The following CNTNAP5 variants were observed in gnomAD, a reference collection of about 807,000 sequenced individuals.
CNTNAP5 encodes the protein contactin-associated protein-like 5.
CNTNAP5 carries 72 observed loss-of-function variants against 150.2 expected under a neutral mutation model. The observed-to-expected ratio is 0.48, with a 90% confidence interval of 0.40 to 0.58. The LOEUF (loss-of-function observed/expected upper bound fraction) is 0.58, where lower values mean the gene tolerates loss of function less well. CNTNAP5 is among the 20% of genes least tolerant of loss of function. The probability of loss-of-function intolerance (pLI) is 0.00; values close to 1 mark genes in which losing one functional copy is unlikely to be tolerated. For missense variants in CNTNAP5, 1,636 were observed against 1,626.2 expected, an observed-to-expected ratio of 1.01 and a Z score of -0.10; for synonymous variants, 672 against 619.8, an observed-to-expected ratio of 1.08 and a Z score of -1.25.
chr2:124,269,786 T>C (rs1384057700), intron 3 of CNTNAP5, among the ~76,000 whole-genome samples: 1 of 152,128 alleles, frequency 6.6e-6, no homozygotes, highest in Non-Finnish European at 1.5e-5. Flanking sequence ...AAAAAATGTA[T>C]GTTTTAAAAA....
chr2:124,406,997 C>G (rs951338728), intron 3 of CNTNAP5, among the ~76,000 whole-genome samples: 1 of 152,154 alleles, frequency 6.6e-6, no homozygotes, highest in African/African-American at 2.4e-5. Flanking sequence ...ATAATAACCT[C>G]CAGTTCCGTC....
At chr2:124,357,207 C>T (rs914631192) in intron 3 of CNTNAP5, among the ~76,000 whole-genome samples, 3 of 152,038 alleles carry the variant, frequency 2.0e-5, no homozygotes, top group Admixed American at 1.3e-4. Flanking sequence ...TGGATATTAA[C>T]CCTTTGCCAG....
At chr2:124,185,050 A>C (rs1023680088) in intron 1 of CNTNAP5, among the ~76,000 whole-genome samples, 1 of 152,220 alleles carries the variant, frequency 6.6e-6, no homozygotes, top group Non-Finnish European at 1.5e-5. Flanking sequence ...TATCTACATC[A>C]CAATGGCTTT....
intron 3 of CNTNAP5, among the ~76,000 whole-genome samples, chr2:124,296,907 A>G (rs78364847): frequency 0.015 from 2,259 of 152,276 alleles, 60 homozygotes; most frequent in African/African-American, 0.052. Flanking sequence ...CCCAGCCTGC[A>G]GCCGTTCTGC....
At chr2:124,395,888 T>G (rs750373890) in intron 3 of CNTNAP5, among the ~76,000 whole-genome samples, 2 of 152,140 alleles carry the variant, frequency 1.3e-5, no homozygotes, top group Non-Finnish European at 2.9e-5. Context: ...AAGCTAAGTG[T>G]GTGCCTGAAT....
chr2:124,446,458 T>C (rs1282118057), intron 5 of CNTNAP5, among the ~76,000 whole-genome samples: 3 of 152,128 alleles, frequency 2.0e-5, no homozygotes, highest in Admixed American at 6.5e-5. Context: ...AAAATCCCCA[T>C]TTTCAATCAT....
chr2:124,722,979 G>C (rs1006521418), intron 13 of CNTNAP5, among the ~76,000 whole-genome samples: 6 of 152,162 alleles, frequency 3.9e-5, no homozygotes, highest in South Asian at 4.1e-4. Context: ...CTTCCTGGGA[G>C]GTGGCTGATT....
At chr2:124,606,701 A>G (rs1237559703) in intron 11 of CNTNAP5, among the ~76,000 whole-genome samples, 1 of 152,188 alleles carries the variant, frequency 6.6e-6, no homozygotes, top group Non-Finnish European at 1.5e-5. Context: ...TCACATCTTA[A>G]GTGGATGGCG....
At chr2:124,832,110 T>A (rs992385345) in intron 19 of CNTNAP5, among the ~76,000 whole-genome samples, 7 of 152,094 alleles carry the variant, frequency 4.6e-5, no homozygotes, top group African/African-American at 1.7e-4. Context: ...CCTGCCACCT[T>A]AAAATATCTA....
chr2:124,281,985 C>A (rs989098881), intron 3 of CNTNAP5, among the ~76,000 whole-genome samples: 9 of 152,144 alleles, frequency 5.9e-5, no homozygotes, highest in African/African-American at 2.2e-4. Context: ...AGAAACCACC[C>A]TCCCTGTCCT....
intron 19 of CNTNAP5, among the ~76,000 whole-genome samples, chr2:124,812,467 G>A (rs545556883): frequency 1.3e-5 from 2 of 151,992 alleles, no homozygotes; most frequent in African/African-American, 4.8e-5. Context: ...TGGACATACT[G>A]CATTATACCC....
intron 21 of CNTNAP5, among the ~76,000 whole-genome samples, chr2:124,886,122 A>G (rs189434864): frequency 6.6e-6 from 1 of 152,178 alleles, no homozygotes; most frequent in East Asian, 1.9e-4. Flanking sequence ...GAGATACTTA[A>G]AGATGATTCT....
intron 19 of CNTNAP5, among the ~76,000 whole-genome samples, chr2:124,821,558 T>G (rs927246671): frequency 2.0e-5 from 3 of 152,198 alleles, no homozygotes; most frequent in Non-Finnish European, 4.4e-5. Context: ...CGCTTTAAGG[T>G]CCATCTCCAG....
intron 3 of CNTNAP5, among the ~76,000 whole-genome samples, chr2:124,296,139 T>C (rs749556577): frequency 5.9e-5 from 9 of 152,206 alleles, no homozygotes; most frequent in Non-Finnish European, 1.2e-4. Flanking sequence ...TTCACTTGAT[T>C]ATAGTGATAG....
rs188150842 is a variant in CNTNAP5 at position 124,678,323 on chromosome 2, A to G, written c.2077+30365A>G. ...GCATGTAGCTGGCTACATTCTGACAATTTAACCACAGAATGAGCAATTACT... is the reference window on the plus strand; with the variant it reads ...GCATGTAGCTGGCTACATTCTGACAGTTTAACCACAGAATGAGCAATTACT... On this transcript the variant is annotated intron_variant, in intron 13 of 23. Coordinates refer to ENST00000682447, the MANE Select transcript of CNTNAP5 (RefSeq NM_001367498.1). 1.1e-4 allele frequency among the ~76,000 whole-genome samples: 16 copies of G among 151,808 alleles called. No homozygotes were observed. The East Asian group carries it at 2.5e-3, about 24-fold the overall frequency.
chr2:124,553,503 CAAA>C (rs34211914), intron 10 of CNTNAP5, among the ~76,000 whole-genome samples: 11,147 of 119,466 alleles, frequency 0.093, 464 homozygotes, highest in African/African-American at 0.13. Context: ...GACTCTGTCT[CAAA>C]AAAAAAAAAA....
chr2:124,716,551 T>A (rs1304820157), intron 13 of CNTNAP5, among the ~76,000 whole-genome samples: 1 of 151,946 alleles, frequency 6.6e-6, no homozygotes, highest in Non-Finnish European at 1.5e-5. Context: ...CAATGTTTAT[T>A]GTTTTTAAAC....
chr2:124,552,364 C>T (rs564865209), intron 10 of CNTNAP5, among the ~76,000 whole-genome samples: 1 of 152,150 alleles, frequency 6.6e-6, no homozygotes, highest in Admixed American at 6.5e-5. Context: ...GGCAGTGACA[C>T]CAGGACAGGC....
At chr2:124,092,973 G>A (rs1427792828) in intron 1 of CNTNAP5, among the ~76,000 whole-genome samples, 1 of 152,204 alleles carries the variant, frequency 6.6e-6, no homozygotes, top group Non-Finnish European at 1.5e-5. Context: ...ACAAAGAGAA[G>A]TTCATGGTCA....
Sources: gnomAD v4.1 joint callset for allele counts (sites outside exome capture counted in the v4.1 genomes callset) on GRCh38, gnomAD v4.1.1 for gene constraint, MANE v1.5 for transcripts, NCBI Gene and HGNC (gene_info 2026-07-23, HGNC 2026-07-21) for gene names.